PCDH15: variants seen among roughly 807,000 people sequenced by gnomAD.
PCDH15 encodes protocadherin-15.
A neutral mutation model predicts 178.5 loss-of-function variants in PCDH15; 129 were observed. The observed-to-expected ratio is 0.72, with a 90% CI of 0.63 to 0.84. The LOEUF is 0.84. PCDH15 is among the 40% of genes least tolerant of loss of function. PCDH15 has a pLI of 0.00. For missense variants in PCDH15, 2,230 were observed against 2,099.9 expected (o/e 1.06, Z -1.21); for synonymous variants, 800 against 732.0 (o/e 1.09, Z -1.50).
intron 2 of PCDH15, among the ~76,000 whole-genome samples, chr10:55,579,069 CT>C (rs1225647205): frequency 3.3e-5 from 5 of 152,096 alleles, no homozygotes; most frequent in African/African-American, 1.2e-4. Flanking sequence ...TTTTTTCAAA[CT>C]TTTGTGGTTT....
chr10:54,403,571 T>C (rs1589232690), intron 3 of PCDH15, among the ~76,000 whole-genome samples: 1 of 151,856 alleles, frequency 6.6e-6, no homozygotes, highest in Non-Finnish European at 1.5e-5. Flanking sequence ...CTATTCAACA[T>C]AGTATTGGAA....
At chr10:54,311,627 A>G (rs2060916305) in intron 8 of PCDH15, among the ~76,000 whole-genome samples, 1 of 152,096 alleles carries the variant, frequency 6.6e-6, no homozygotes, top group Non-Finnish European at 1.5e-5. Flanking sequence ...TTAAGGTCCT[A>G]TAGAAATTTA....
intron 2 of PCDH15, among the ~76,000 whole-genome samples, chr10:55,091,239 A>G (rs10825463): frequency 0.085 from 12,880 of 151,984 alleles, 671 homozygotes; most frequent in East Asian, 0.26. Context: ...ATATTTAAGT[A>G]TTTAAGTAGA....
At chr10:55,257,386 G>C (rs1842026660) in intron 1 of PCDH15, among the ~76,000 whole-genome samples, 2 of 152,278 alleles carry the variant, frequency 1.3e-5, no homozygotes, top group Middle Eastern at 3.4e-3. Context: ...TGACTTTGAC[G>C]AGTTGAGAGA....
chr10:54,564,704 T>G (rs2088742592), intron 2 of PCDH15, among the ~76,000 whole-genome samples: 1 of 152,060 alleles, frequency 6.6e-6, no homozygotes, highest in African/African-American at 2.4e-5. Flanking sequence ...CCCTACATCT[T>G]AGAGTGAGAT....
At chr10:55,491,705 C>A (rs1183324790) in intron 2 of PCDH15, among the ~76,000 whole-genome samples, 1 of 149,722 alleles carries the variant, frequency 6.7e-6, no homozygotes, top group Non-Finnish European at 1.5e-5. Context: ...TGGAGCTCTT[C>A]AAATTCTGTT....
At chr10:54,147,840 T>C (rs1266687883) in intron 14 of PCDH15, among the ~76,000 whole-genome samples, 2 of 151,598 alleles carry the variant, frequency 1.3e-5, no homozygotes, top group African/African-American at 4.8e-5. Context: ...ATTATAGATA[T>C]GAAACAGTGG....
chr10:54,620,414 T>C (rs2093319099), intron 2 of PCDH15, among the ~76,000 whole-genome samples: 1 of 152,036 alleles, frequency 6.6e-6, no homozygotes, highest in Non-Finnish European at 1.5e-5. Flanking sequence ...GTCTTATAAA[T>C]GAAACTGAGC....
chr10:54,069,986 A>G (rs987607534), intron 17 of PCDH15, among the ~76,000 whole-genome samples: 5 of 152,312 alleles, frequency 3.3e-5, no homozygotes, highest in African/African-American at 1.2e-4. Context: ...CGTATTTTCC[A>G]TCAACGGAGT....
chr10:54,159,883 T>G (rs1055976977), intron 13 of PCDH15, among the ~76,000 whole-genome samples: 12 of 152,340 alleles, frequency 7.9e-5, no homozygotes, highest in African/African-American at 2.6e-4. Context: ...TTGTTTTTTC[T>G]TCTTCATAAT....
intron 2 of PCDH15, among the ~76,000 whole-genome samples, chr10:54,632,569 T>C (rs1328693629): frequency 6.6e-6 from 1 of 152,158 alleles, no homozygotes. Flanking sequence ...TTTAAATTTA[T>C]TTCAAAATAA....
intron 13 of PCDH15, among the ~76,000 whole-genome samples, chr10:54,163,102 C>T (rs376212531): frequency 6.6e-6 from 1 of 152,148 alleles, no homozygotes; most frequent in East Asian, 1.9e-4. Flanking sequence ...TTTGCACACT[C>T]AGGTTGAACT....
intron 20 of PCDH15, among the ~76,000 whole-genome samples, chr10:54,017,606 A>G (rs1247054017): frequency 6.6e-6 from 1 of 152,140 alleles, no homozygotes; most frequent in Non-Finnish European, 1.5e-5. Context: ...CCTGGACATA[A>G]AAATAGCCAC....
chr10:54,347,196 G>GT (rs1202391898), intron 5 of PCDH15, among the ~76,000 whole-genome samples: 2 of 151,938 alleles, frequency 1.3e-5, no homozygotes, highest in African/African-American at 2.4e-5. Flanking sequence ...TTACCTGTAG[G>GT]TTTTTGCGCA....
chr10:54,006,849 A>G (rs7918590), intron 20 of PCDH15, among the ~76,000 whole-genome samples: 14,189 of 151,988 alleles, frequency 0.093, 1,914 homozygotes, highest in African/African-American at 0.3. Context: ...ATGATACTTC[A>G]TTTCTCGTCA....
At chr10:54,967,090 T>C (rs1020131732) in intron 2 of PCDH15, among the ~76,000 whole-genome samples, 2 of 152,152 alleles carry the variant, frequency 1.3e-5, no homozygotes, top group Admixed American at 1.3e-4. Context: ...AGGACATCAC[T>C]ATTACTCAGC....
At chr10:55,100,861 T>C (rs1007458327) in intron 2 of PCDH15, among the ~76,000 whole-genome samples, 19 of 152,012 alleles carry the variant, frequency 1.2e-4, no homozygotes, top group Non-Finnish European at 2.4e-4. Flanking sequence ...CTCCCTTCTG[T>C]AAAGGTAGTA....
intron 1 of PCDH15, among the ~76,000 whole-genome samples, chr10:54,710,781 C>G (rs1267164626): frequency 6.6e-6 from 1 of 151,862 alleles, no homozygotes; most frequent in African/African-American, 2.4e-5. Context: ...CTTCTAATAC[C>G]TCTTTTTTAC....
At chr10:53,812,970 A>C (rs1283068745) in intron 35 of PCDH15, among the ~76,000 whole-genome samples, 1 of 152,192 alleles carries the variant, frequency 6.6e-6, no homozygotes, top group Non-Finnish European at 1.5e-5. Context: ...CATGATTGAT[A>C]TGGATAAAGA....
Sources: gnomAD v4.1 joint callset for allele counts (sites outside exome capture counted in the v4.1 genomes callset) on GRCh38, gnomAD v4.1.1 for gene constraint, MANE v1.5 for transcripts, NCBI Gene and HGNC (gene_info 2026-07-23, HGNC 2026-07-21) for gene names.